PHLPP1: variants seen among roughly 807,000 people sequenced by gnomAD.
PHLPP1 encodes the protein PH domain leucine-rich repeat-containing protein phosphatase 1.
Under a neutral mutation model 117.2 loss-of-function variants are expected in PHLPP1, and 42 were observed. The observed-to-expected ratio is 0.36, with a 90% CI of 0.28 to 0.46. The LOEUF (loss-of-function observed/expected upper bound fraction) is 0.46. Ranked by LOEUF, PHLPP1 falls within the 20% of genes least tolerant of loss-of-function variation. The pLI is 1.00. For synonymous variants in PHLPP1, 1,042 were observed against 970.7 expected (o/e 1.07, Z -1.37); for missense variants, 2,084 against 2,241.9 (o/e 0.93, Z 1.42).
At chr18:62,822,507 A>G (rs937848856) in intron 1 of PHLPP1, among the ~76,000 whole-genome samples, 6 of 151,614 alleles carry the variant, frequency 4.0e-5, no homozygotes, top group African/African-American at 1.5e-4. Flanking sequence ...GATGGTCTCG[A>G]TCTCCTAACC....
chr18:62,855,858 G>T (rs751828152), intron 3 of PHLPP1, among the ~76,000 whole-genome samples: 2 of 152,148 alleles, frequency 1.3e-5, no homozygotes, highest in Non-Finnish European at 2.9e-5. Flanking sequence ...TGCAGAGGCC[G>T]CCTGGTGAGA....
At chr18:62,948,525 C>T (rs1910363281) in intron 12 of PHLPP1, among the ~76,000 whole-genome samples, 2 of 152,064 alleles carry the variant, frequency 1.3e-5, no homozygotes, top group Admixed American at 1.3e-4. Context: ...ATTTTACTTC[C>T]CATATTTTTA....
chr18:62,773,219 T>C (rs528003373), intron 1 of PHLPP1, among the ~76,000 whole-genome samples: 9 of 152,142 alleles, frequency 5.9e-5, no homozygotes, highest in Non-Finnish European at 1.2e-4. Flanking sequence ...CCCCACTTAA[T>C]TTTTTTCTTT....
rs899479441 is a variant in PHLPP1 at position 62,972,556 on chromosome 18, C to T, written c.3603C>T (p.Asn1201=). The change falls in exon 15 of 17, where the codon AAC becomes AAT. Residue 1201 remains asparagine, a synonymous_variant. Transcript: ENST00000262719. ...TGTCGGTGAATAACTTCTGTGACAACCGCGAAGCCCTGTATGGTGTGTTTG... is the reference window on the plus strand; with the variant it reads ...TGTCGGTGAATAACTTCTGTGACAATCGCGAAGCCCTGTATGGTGTGTTTG... ...AALSVNNFCD[N]REALYGVFDG... 6.2e-7 allele frequency: 1 copy of T among 1,613,484 alleles called. No homozygotes were observed. Among genetic ancestry groups the T allele is most frequent in the African/African-American group, 1.3e-5 (1 of 75,026 alleles).
rs962503323 is a variant in PHLPP1 at position 62,715,664 on chromosome 18, A to G, written c.-20A>G. The G allele has an allele frequency of 7.1e-6, 9 of 1,269,676 alleles. No individual in the cohort carries two copies. In the African/African-American group the frequency reaches 7.7e-5, roughly 11 times the overall value. 78.7% of individuals were successfully genotyped at this position (1,269,676 alleles called of 1,614,324 possible). On this transcript the variant is annotated 5_prime_UTR_variant, in exon 1 of 17. Transcript: ENST00000262719. ...CCCGCTGCCTCCGGAGCTGGGGGGG[A>G]AACGCGAAGCCCCACTGCAATGGAG...
At chr18:62,776,616 T>TG (rs1431146353) in intron 1 of PHLPP1, among the ~76,000 whole-genome samples, 2 of 151,740 alleles carry the variant, frequency 1.3e-5, no homozygotes, top group African/African-American at 4.8e-5. Context: ...AGTGTTTTTT[T>TG]TTTTTTTTTC....
chr18:62,742,708 A>G (rs1911565565), intron 1 of PHLPP1, among the ~76,000 whole-genome samples: 1 of 152,222 alleles, frequency 6.6e-6, no homozygotes, highest in African/African-American at 2.4e-5. Flanking sequence ...TGTTGGGATT[A>G]CAGGTGTGAA....
In PHLPP1 at chr18:62,838,835, C is replaced by T; in HGVS notation, c.1825C>T (p.Pro609Ser). ...QHCLAFSSSG[P>S]QSQTYYICFD... The stretch of plus-strand genomic sequence containing the variant: ...CTGTTTAGCATTTAGCTCCTCTGGA[C>T]CCCAAAGCCAGACTTACTACATTTG... Residue 609 changes from proline to serine, a missense_variant, in exon 3 of 17, where the codon CCC becomes TCC. Physicochemically the swap from Pro to Ser is moderately conservative, Grantham distance 74. Around this residue, in one of 2 missense-constraint regions of PHLPP1, gnomAD observed 1,365 missense variants for 1,605.9 expected, o/e 0.85. Coordinates refer to ENST00000262719, the MANE Select transcript of PHLPP1 (RefSeq NM_194449.4). The T allele has an allele frequency of 1.2e-6, 2 of 1,613,516 alleles. No homozygotes were observed. The highest frequency in any genetic ancestry group is 1.7e-6 in the Non-Finnish European group (2 of 1,179,476).
At chr18:62,841,575 A>G (rs12457150) in intron 3 of PHLPP1, among the ~76,000 whole-genome samples, 10,402 of 151,192 alleles carry the variant, frequency 0.069, 397 homozygotes, top group Middle Eastern at 0.089. Flanking sequence ...CTCATGATCC[A>G]CCTGCTTAGG....
chr18:62,764,581 G>A (rs148359945), intron 1 of PHLPP1, among the ~76,000 whole-genome samples: 40 of 151,648 alleles, frequency 2.6e-4, no homozygotes, highest in African/African-American at 8.7e-4. Context: ...GTGAAACCCC[G>A]TCTCTACTAA....
At chr18:62,866,000 A>G (rs951911093) in intron 4 of PHLPP1, among the ~76,000 whole-genome samples, 1 of 152,182 alleles carries the variant, frequency 6.6e-6, no homozygotes, top group African/African-American at 2.4e-5. Flanking sequence ...TTACCTGTGT[A>G]ACAAACCTGC....
At chr18:62,799,005 A>G (rs1210618768) in intron 1 of PHLPP1, among the ~76,000 whole-genome samples, 1 of 152,252 alleles carries the variant, frequency 6.6e-6, no homozygotes, top group Non-Finnish European at 1.5e-5. Flanking sequence ...ACAATGTTTT[A>G]GTACAATTAT....
intron 12 of PHLPP1, among the ~76,000 whole-genome samples, chr18:62,946,639 T>TTGTG (rs147900391): frequency 0.011 from 1,644 of 151,834 alleles, 30 homozygotes; most frequent in African/African-American, 0.036. Context: ...GCCATTTTGT[T>TTGTG]TGTGTGTGTG....
intron 13 of PHLPP1, among the ~76,000 whole-genome samples, chr18:62,960,450 T>C (rs557862228): frequency 1.3e-5 from 2 of 152,196 alleles, no homozygotes; most frequent in Admixed American, 1.3e-4. Context: ...ATTTCCTATT[T>C]CAGAAACTCT....
At chr18:62,719,813 G>C (rs1264976843) in intron 1 of PHLPP1, among the ~76,000 whole-genome samples, 1 of 151,888 alleles carries the variant, frequency 6.6e-6, no homozygotes, top group Non-Finnish European at 1.5e-5. Context: ...CTGTCTTGAG[G>C]GTCTGCTCTC....
intron 7 of PHLPP1, among the ~76,000 whole-genome samples, chr18:62,904,397 T>G (rs1916795978): frequency 6.6e-6 from 1 of 152,234 alleles, no homozygotes; most frequent in Non-Finnish European, 1.5e-5. Flanking sequence ...TTAAGGCAGT[T>G]AATGTGAAAA....
At chr18:62,718,066 T>C (rs1815525133) in intron 1 of PHLPP1, among the ~76,000 whole-genome samples, 1 of 152,218 alleles carries the variant, frequency 6.6e-6, no homozygotes, top group African/African-American at 2.4e-5. Flanking sequence ...ATTAGCAAAT[T>C]CTTGACTAGG....
At chr18:62,819,617 A>G (rs1914388084) in intron 1 of PHLPP1, among the ~76,000 whole-genome samples, 1 of 152,142 alleles carries the variant, frequency 6.6e-6, no homozygotes, top group African/African-American at 2.4e-5. Context: ...AAAAGAGGTA[A>G]CTGCTGCCTA....
At chr18:62,736,431 A>G (rs937438811) in intron 1 of PHLPP1, among the ~76,000 whole-genome samples, 1 of 152,144 alleles carries the variant, frequency 6.6e-6, no homozygotes, top group African/African-American at 2.4e-5. Context: ...ATTGATGTGG[A>G]TATTATCCTG....
Sources: allele counts gnomAD v4.1 joint callset (sites outside exome capture counted in the v4.1 genomes callset), GRCh38; gene constraint gnomAD v4.1.1; regional missense constraint gnomAD v4.1.1; transcripts MANE v1.5; gene names NCBI Gene and HGNC (gene_info 2026-07-23, HGNC 2026-07-21).